RIPPLY1: variants seen among roughly 807,000 people sequenced by gnomAD.
The protein encoded by RIPPLY1 is protein ripply1.
RIPPLY1 carries 10 observed loss-of-function variants against 8.7 expected under a neutral mutation model. The observed-to-expected ratio is 1.15, with a 90% CI of 0.71 to 1.94. The LOEUF is 1.94. Among genes scored for constraint, RIPPLY1 ranks in the 30% most tolerant of loss-of-function variants. RIPPLY1 has a pLI of 0.00. For missense variants in RIPPLY1, 118 were observed against 108.7 expected (o/e 1.09, Z -0.38); for synonymous variants, 54 against 44.8 (o/e 1.20, Z -0.82).
At chrX:106,901,778 T>G (rs909058432) in intron 2 of RIPPLY1, among the ~76,000 whole-genome samples, 3 of 111,079 alleles carry the variant, frequency 2.7e-5, no homozygotes, top group African/African-American at 9.8e-5. Flanking sequence ...AGCACCTGTT[T>G]GGAGGCTCTC....
chrX:106,903,200 C>T lies in RIPPLY1; in HGVS notation c.88G>A (p.Ala30Thr). 8.3e-7 allele frequency: 1 copy of T among 1,210,866 alleles called. No individual in the cohort carries two copies. Among genetic ancestry groups the T allele is most frequent in the Non-Finnish European group, 1.1e-6 (1 of 894,859 alleles). Residue 30 changes from alanine to threonine, a missense_variant, in exon 1 of 4, where the codon GCA becomes ACA. Ala to Thr is a moderately conservative substitution (Grantham distance 58, BLOSUM62 0). Coordinates refer to ENST00000276173, the MANE Select transcript of RIPPLY1 (RefSeq NM_138382.3). ...LAPDLAQAPL[A>T]LPGLLSPSCL... Reference sequence around the variant, plus strand: ...GATGGGCTTAACAGGCCAGGGAGTGCCAGTGGGGCTTGTGCTAGGTCTGGA... The same window carrying T: ...GATGGGCTTAACAGGCCAGGGAGTGTCAGTGGGGCTTGTGCTAGGTCTGGA...
chrX:106,901,482 G>A lies in RIPPLY1; in HGVS notation c.288C>T (p.His96=). 3 of 1,211,071 alleles carry A rather than the reference G, an allele frequency of 2.5e-6. No individual in the cohort carries two copies. Among genetic ancestry groups the A allele is most frequent in the Non-Finnish European group, 2.2e-6 (2 of 894,856 alleles). ...TCATGCCAGAAGCTTACCTGACAGG[G>A]TGATGGAACTTGGATTCAGCCTTGG... ...EVTKAESKFH[H]PVRLFWPKSR... is the part of the protein sequence containing the mutation. Residue 96 remains histidine (H), a synonymous_variant, in exon 3 of 4, where the codon CAC becomes CAT. Coordinates refer to ENST00000276173, the MANE Select transcript of RIPPLY1 (RefSeq NM_138382.3).
intron 2 of RIPPLY1, 43 bp from the exon 3 acceptor site, chrX:106,901,581 T>C (rs375779868): frequency 8.7e-7 from 1 of 1,154,172 alleles, no homozygotes; most frequent in African/African-American, 1.8e-5. Context: ...AGTACATGGC[T>C]AGATAACTTC....
intron 1 of RIPPLY1, 44 bp downstream of exon 1, chrX:106,903,089 T>C: frequency 8.3e-7 from 1 of 1,199,243 alleles, no homozygotes; most frequent in South Asian, 1.8e-5. Context: ...CTCAGGAAGC[T>C]CTCAAGCCTA....
chrX:106,901,507 G>A lies in RIPPLY1; in HGVS notation c.263C>T (p.Thr88Ile), dbSNP rs762242561. The change falls in exon 3 of 4, where the codon ACC becomes ATC. Residue 88 changes from threonine (T) to isoleucine (I), a missense_variant. Thr to Ile is a moderately conservative substitution (Grantham distance 89). Coordinates refer to ENST00000276173, the MANE Select transcript of RIPPLY1 (RefSeq NM_138382.3). ...AAGGATAAEV[T>I]KAESKFHHPV... The stretch of plus-strand genomic sequence containing the variant: ...GTGATGGAACTTGGATTCAGCCTTG[G>A]TGACCTCAGCAGCCGTTGCCCCACC... 1.3e-5 allele frequency: 16 copies of A among 1,211,571 alleles called. No homozygotes were observed. The highest frequency in any genetic ancestry group is 1.8e-5 in the Non-Finnish European group (16 of 895,321).
chrX:106,901,256 C>T (rs866086969), intron 3 of RIPPLY1, among the ~76,000 whole-genome samples: 4 of 112,062 alleles, frequency 3.6e-5, no homozygotes, highest in Admixed American at 9.4e-5. Flanking sequence ...TTTCACTGAC[C>T]CATCCATGGG....
Position 106,902,217 on chromosome X carries a change from T to C in RIPPLY1, c.156-2A>G, listed in dbSNP as rs1263735035. 3.4e-6 allele frequency: 4 copies of C among 1,170,361 alleles called. No homozygotes were observed. The African/African-American group carries it at 7.2e-5, about 21-fold the overall frequency. On this transcript the variant is annotated splice_acceptor_variant, in intron 1 of 3. Coordinates refer to ENST00000276173, the MANE Select transcript of RIPPLY1 (RefSeq NM_138382.3). LOFTEE classifies it high-confidence loss of function. Reference sequence around the variant, plus strand: ...CAGGGCCTCCAGAGACAAGTTCCTCTGGGACAAAGAGGAGAGATCAATCCG... The same window carrying C: ...CAGGGCCTCCAGAGACAAGTTCCTCCGGGACAAAGAGGAGAGATCAATCCG...
At chrX:106,901,652 T>A (rs905639182) in intron 2 of RIPPLY1, 114 bp from the exon 3 acceptor site, 27 of 742,458 alleles carry the variant, frequency 3.6e-5, no homozygotes, top group Admixed American at 5.5e-5. Context: ...ACCTTAGACA[T>A]CTCTGGGACC....
intron 1 of RIPPLY1, among the ~76,000 whole-genome samples, chrX:106,902,743 A>G (rs1180667217): frequency 8.9e-6 from 1 of 112,044 alleles, no homozygotes; most frequent in African/African-American, 3.2e-5. Flanking sequence ...GTGGTCAGGA[A>G]AAAGACAATG....
At chrX:106,902,328 C>A in intron 1 of RIPPLY1, 113 bp from the exon 2 acceptor site, 1 of 581,459 alleles carries the variant, frequency 1.7e-6, no homozygotes, top group Non-Finnish European at 2.8e-6. Context: ...CTCCAGGAAG[C>A]CTTTCCTAAG....
At chrX:106,901,593 T>A (rs1933096044) in intron 2 of RIPPLY1, 55 bp from the exon 3 acceptor site, 1 of 1,110,895 alleles carries the variant, frequency 9.0e-7, no homozygotes, top group Non-Finnish European at 1.2e-6. Flanking sequence ...GATAACTTCC[T>A]CCTCTGTACT....
chrX:106,900,847 G>A lies in RIPPLY1; in HGVS notation c.358C>T (p.Gln120Ter). 1 of 1,211,583 alleles carries A rather than the reference G, an allele frequency of 8.3e-7. No homozygotes were observed. ...ATGGTTGCCTGGACAGGAAAGTTCT[G>A]CAGTAAAATCTCCCCAGCACTGTAC... ...YLYSAGEILLQNFPVQATINL... is the reference protein window; with the variant it reads ...YLYSAGEILL The change falls in exon 4 of 4, where the codon CAG becomes TAG. Residue 120 changes from glutamine (Q) to a stop codon, truncating the protein, a stop_gained. Transcript: ENST00000276173. LOFTEE classifies it high-confidence loss of function.
At chrX:106,900,943 T>C (rs1381645418) in intron 3 of RIPPLY1, 35 bp from the exon 4 acceptor site, 9 of 1,193,507 alleles carry the variant, frequency 7.5e-6, no homozygotes, top group Non-Finnish European at 1.0e-5. Flanking sequence ...CCCTAACAGG[T>C]GTCATATGTG....
rs1933129281 is a variant in RIPPLY1 at position 106,903,115 on chromosome X, A to C, written c.155+18T>G. The C allele has an allele frequency of 8.3e-7, 1 of 1,208,822 alleles. No homozygotes were observed. Among genetic ancestry groups the C allele is most frequent in the Admixed American group, 2.2e-5 (1 of 45,822 alleles). Reference sequence around the variant, plus strand: ...CTCAAGCCTAAGTTCAGGTTGCCAAAGGCTAAGCTCAACTTACCTTTCACT... The same window carrying C: ...CTCAAGCCTAAGTTCAGGTTGCCAACGGCTAAGCTCAACTTACCTTTCACT... On this transcript the variant is annotated intron_variant, in intron 1 of 3. Transcript: ENST00000276173.
Position 106,900,731 on chromosome X carries a change from C to A in RIPPLY1, c.*18G>T. Reference sequence around the variant, plus strand: ...CTGGTACCCTCACACACCCTTCTGGCCCCTTTTCATTGGCCTCCTACTTCT... The same window carrying A: ...CTGGTACCCTCACACACCCTTCTGGACCCTTTTCATTGGCCTCCTACTTCT... On this transcript the variant is annotated 3_prime_UTR_variant, in exon 4 of 4. Coordinates refer to ENST00000276173, the MANE Select transcript of RIPPLY1 (RefSeq NM_138382.3). 1 of 1,197,527 alleles carries A rather than the reference C, an allele frequency of 8.4e-7. No individual in the cohort carries two copies. Among genetic ancestry groups the A allele is most frequent in the Non-Finnish European group, 1.1e-6 (1 of 888,301 alleles).
At chrX:106,901,360 A>G in intron 3 of RIPPLY1, 114 bp downstream of exon 3, 1 of 765,280 alleles carries the variant, frequency 1.3e-6, no homozygotes, top group South Asian at 2.5e-5. Flanking sequence ...CTCTCCTATG[A>G]AACAGCGATC....
intron 3 of RIPPLY1, 86 bp from the exon 4 acceptor site, chrX:106,900,994 A>G: frequency 1.8e-6 from 2 of 1,113,880 alleles, no homozygotes; most frequent in South Asian, 2.4e-5. Context: ...TGGCCCCTAA[A>G]CCCCTTCTCT....
At chrX:106,901,598 T>C in intron 2 of RIPPLY1, 60 bp from the exon 3 acceptor site, 1 of 1,105,235 alleles carries the variant, frequency 9.0e-7, no homozygotes. Flanking sequence ...CTTCCTCCTC[T>C]GTACTAGAGG....
At chrX:106,903,078 T>C in intron 1 of RIPPLY1, 55 bp downstream of exon 1, 1 of 1,183,067 alleles carries the variant, frequency 8.5e-7, no homozygotes, top group Non-Finnish European at 1.1e-6. Context: ...TTCCTTCCTC[T>C]CTCAGGAAGC....
Sources: gnomAD v4.1 joint callset for allele counts (sites outside exome capture counted in the v4.1 genomes callset) on GRCh38, gnomAD v4.1.1 for gene constraint, MANE v1.5 for transcripts, NCBI Gene and HGNC (gene_info 2026-07-23, HGNC 2026-07-21) for gene names.